The following ASF1B variants were observed in gnomAD, a reference collection of about 807,000 sequenced individuals.
ASF1B encodes anti-silencing function 1B histone chaperone, also known as histone chaperone ASF1B.
Under a neutral mutation model 16.6 loss-of-function variants are expected in ASF1B, and 10 were observed. That is an observed-to-expected ratio of 0.60 (90% CI 0.37 to 1.02). The LOEUF (loss-of-function observed/expected upper bound fraction) is 1.02, where lower values mean the gene tolerates loss of function less well. ASF1B is among the 50% of genes least tolerant of loss of function. ASF1B has a pLI of 0.01. For synonymous variants in ASF1B, 101 were observed against 106.2 expected (o/e 0.95, Z 0.30); for missense variants, 240 against 266.0 (o/e 0.90, Z 0.68).
At chr19:14,123,643 G>A (rs927762739) in intron 2 of ASF1B, among the ~76,000 whole-genome samples, 1 of 151,974 alleles carries the variant, frequency 6.6e-6, no homozygotes, top group Admixed American at 6.6e-5. Context: ...GCCTTCCAAA[G>A]TGCTGGGATT....
intron 1 of ASF1B, among the ~76,000 whole-genome samples, chr19:14,127,280 A>G (rs534820716): frequency 1.3e-5 from 2 of 152,298 alleles, no homozygotes; most frequent in South Asian, 4.1e-4. Context: ...TGGGCCTCTC[A>G]AGGCCTGAGC....
rs747456854 is a variant in ASF1B, at chr19:14,136,510, C to T, written c.-54G>A. The T allele has an allele frequency of 7.7e-6, 12 of 1,552,374 alleles. No individual in the cohort carries two copies. Among genetic ancestry groups the T allele is most frequent in the African/African-American group, 5.4e-5 (4 of 73,706 alleles). ...GCAGGGGCTGTGGCTGTGGCGGAGGCCGCGCCTGGGTCCGGTGGGGTCAGT... is the reference window on the plus strand; with the variant it reads ...GCAGGGGCTGTGGCTGTGGCGGAGGTCGCGCCTGGGTCCGGTGGGGTCAGT... On this transcript the variant is annotated 5_prime_UTR_variant, in exon 1 of 4. Coordinates refer to ENST00000263382, the MANE Select transcript of ASF1B (RefSeq NM_018154.3).
intron 2 of ASF1B, among the ~76,000 whole-genome samples, chr19:14,124,744 C>T (rs980282273): frequency 7.9e-5 from 12 of 152,208 alleles, no homozygotes; most frequent in African/African-American, 2.7e-4. Context: ...TGTGAATGAG[C>T]GTCCTTTCCT....
At chr19:14,121,278 T>A (rs79009850) in intron 3 of ASF1B, 3 of 242,586 alleles carry the variant, frequency 1.2e-5, no homozygotes, top group Non-Finnish European at 2.4e-5. Flanking sequence ...CTGGCTCATT[T>A]TTTTTTTTTT....
chr19:14,129,290 T>C (rs1275042359), intron 1 of ASF1B, among the ~76,000 whole-genome samples: 1 of 151,940 alleles, frequency 6.6e-6, no homozygotes, highest in Non-Finnish European at 1.5e-5. Context: ...CTGTGTTGAC[T>C]GTCAGGCACA....
intron 1 of ASF1B, among the ~76,000 whole-genome samples, chr19:14,126,528 A>G (rs976353951): frequency 2.6e-5 from 4 of 151,892 alleles, no homozygotes; most frequent in African/African-American, 9.7e-5. Context: ...TTGGAGTACA[A>G]TGGTGTGATC....
At chr19:14,120,770 C>T (rs1333459845) in intron 3 of ASF1B, 105 bp from the exon 4 acceptor site, 1 of 947,436 alleles carries the variant, frequency 1.1e-6, no homozygotes, top group Non-Finnish European at 1.6e-6. Context: ...CAAGAGCAAC[C>T]TACATATGGA....
rs550481341 is a variant in ASF1B at position 14,136,328 on chromosome 19, C to G, written c.109+20G>C. Reference sequence around the variant, plus strand: ...GGGGTCGGCCCGGGGGTGGGGGTCCCCGCACAGGCCCAGCCTCACCGTCCG... The same window carrying G: ...GGGGTCGGCCCGGGGGTGGGGGTCCGCGCACAGGCCCAGCCTCACCGTCCG... On this transcript the variant is annotated intron_variant, in intron 1 of 3. Coordinates refer to ENST00000263382, the MANE Select transcript of ASF1B (RefSeq NM_018154.3). 3 of 1,604,352 alleles carry G rather than the reference C, an allele frequency of 1.9e-6. No homozygotes were observed. Among genetic ancestry groups the G allele is most frequent in the Non-Finnish European group, 2.6e-6 (3 of 1,173,540 alleles).
intron 2 of ASF1B, among the ~76,000 whole-genome samples, chr19:14,124,994 T>G (rs567875470): frequency 1.1e-4 from 16 of 152,106 alleles, no homozygotes; most frequent in Admixed American, 1.0e-3. Flanking sequence ...TGAGACAGAG[T>G]ATCGCTGTAT....
intron 1 of ASF1B, among the ~76,000 whole-genome samples, chr19:14,130,477 T>G (rs1967384594): frequency 2.0e-5 from 3 of 150,038 alleles, no homozygotes; most frequent in Non-Finnish European, 4.4e-5. Context: ...AAGTCCAGTC[T>G]GGGCAACATA....
At chr19:14,127,004 C>T (rs1599358165) in intron 1 of ASF1B, among the ~76,000 whole-genome samples, 1 of 152,222 alleles carries the variant, frequency 6.6e-6, no homozygotes, top group African/African-American at 2.4e-5. Flanking sequence ...TCACTGTAGC[C>T]TCAACCTCCT....
intron 1 of ASF1B, among the ~76,000 whole-genome samples, chr19:14,136,054 G>A (rs1967491480): frequency 6.6e-6 from 1 of 151,794 alleles, no homozygotes; most frequent in South Asian, 2.1e-4. Context: ...GGGAGGTCGG[G>A]GCGGGCAGTG....
At chr19:14,130,623 C>T (rs573996940) in intron 1 of ASF1B, among the ~76,000 whole-genome samples, 13 of 151,850 alleles carry the variant, frequency 8.6e-5, no homozygotes, top group Admixed American at 7.9e-4. Context: ...ACCAATACAG[C>T]AGGAACTCAT....
In ASF1B at chr19:14,121,675, T is replaced by G; in HGVS notation, c.259A>C (p.Thr87Pro). 6.2e-7 allele frequency: 1 copy of G among 1,613,884 alleles called. No homozygotes were observed. The highest frequency in any genetic ancestry group is 8.5e-7 in the Non-Finnish European group (1 of 1,179,884). The stretch of plus-strand genomic sequence containing the variant: ...ACCACAGTCACACCCACGGCATCAG[T>G]CTCTGGGATGAGGGATGGGTTGGGG... ...DAPNPSLIPE[T>P]DAVGVTVVLI... The change falls in exon 3 of 4, where the codon ACT becomes CCT. Residue 87 changes from threonine to proline, a missense_variant. Coordinates refer to ENST00000263382, the MANE Select transcript of ASF1B (RefSeq NM_018154.3).
At chr19:14,135,239 A>G (rs1030124290) in intron 1 of ASF1B, among the ~76,000 whole-genome samples, 5 of 151,586 alleles carry the variant, frequency 3.3e-5, no homozygotes, top group Non-Finnish European at 5.9e-5. Context: ...AAAAAAAAAA[A>G]AAGAAGAGGA....
intron 1 of ASF1B, among the ~76,000 whole-genome samples, chr19:14,134,350 C>A (rs1405359574): frequency 6.6e-6 from 1 of 152,038 alleles, no homozygotes; most frequent in African/African-American, 2.4e-5. Context: ...TAAAAAGGAG[C>A]GAGAGAGACC....
chr19:14,121,736 C>T (rs1200881291), intron 2 of ASF1B, 28 bp from the exon 3 acceptor site: 3 of 1,588,504 alleles, frequency 1.9e-6, no homozygotes, highest in African/African-American at 2.7e-5. Context: ...TAGGCCTTAG[C>T]AGTGCCACAG....
chr19:14,123,414 C>G (rs1599356899), intron 2 of ASF1B, among the ~76,000 whole-genome samples: 1 of 136,586 alleles, frequency 7.3e-6, no homozygotes, highest in East Asian at 2.2e-4. Context: ...TGGAGTCTCA[C>G]TGTCACCCAG....
chr19:14,120,594 G>A lies in ASF1B; in HGVS notation c.474C>T (p.Asp158=), dbSNP rs768399721. 27 of 1,614,026 alleles carry A rather than the reference G, an allele frequency of 1.7e-5. No individual in the cohort carries two copies. In the East Asian group the frequency reaches 5.6e-4, roughly 33 times the overall value. The change falls in exon 4 of 4, where the codon GAC becomes GAT. Residue 158 remains aspartate (D), a synonymous_variant. Transcript: ENST00000263382. ...RFHINWDNNM[D]RLEAIETQDP... ...CCTGGGTCTCTATGGCCTCCAGCCT[G>A]TCCATGTTGTTGTCCCAGTTGATAT...
Sources: allele counts gnomAD v4.1 joint callset (sites outside exome capture counted in the v4.1 genomes callset), GRCh38; gene constraint gnomAD v4.1.1; transcripts MANE v1.5; gene names NCBI Gene and HGNC (gene_info 2026-07-23, HGNC 2026-07-21).